The following PLAUR variants were observed in gnomAD, a reference collection of about 807,000 sequenced individuals.
PLAUR encodes the protein plasminogen activator, urokinase receptor, also known as urokinase plasminogen activator surface receptor.
PLAUR carries 22 observed loss-of-function variants against 33.4 expected under a neutral mutation model. The ratio of observed to expected loss-of-function variants is 0.66; its 90% CI spans 0.47 to 0.94. PLAUR has a LOEUF of 0.94. Among genes scored for constraint, PLAUR ranks in the 40% least tolerant of loss-of-function variants. PLAUR has a pLI of 0.00. For synonymous variants in PLAUR, 148 were observed against 167.3 expected (o/e 0.88, Z 0.89); for missense variants, 408 against 434.7 (o/e 0.94, Z 0.55).
rs529377475 is a variant in PLAUR, at chr19:43,659,915, G to C, written c.311-3275C>G. The stretch of plus-strand genomic sequence containing the variant: ...GACTCTTTTAAAAAATGGATTCCAG[G>C]TGCTAAAACATATCCTTTCTTCTGT... On this transcript the variant is annotated intron_variant, in intron 3 of 6. Coordinates refer to ENST00000340093, the MANE Select transcript of PLAUR (RefSeq NM_002659.4). Among the ~76,000 whole-genome samples, 4 of 152,226 alleles carry C rather than the reference G, an allele frequency of 2.6e-5. No individual in the cohort carries two copies. In the East Asian group the frequency reaches 5.8e-4, roughly 22 times the overall value.
At chr19:43,646,485 C>T, downstream of PLAUR, 1 of 718,236 alleles carries the variant, frequency 1.4e-6, no homozygotes, top group Non-Finnish European at 2.6e-6. Context: ...GGCTTCCTCA[C>T]AGCATGGTGG....
chr19:43,646,590 G>A (rs1445026089), downstream of PLAUR: 1 of 713,682 alleles, frequency 1.4e-6, no homozygotes, highest in African/African-American at 1.8e-5. Flanking sequence ...CTTAAAACTT[G>A]GTTCCAGAAC....
chr19:43,668,353 G>A lies in PLAUR; in HGVS notation c.56-662C>T, dbSNP rs1472911576. The A allele has an allele frequency of 4.1e-6, 4 of 969,764 alleles. No homozygotes were observed. The Admixed American group carries it at 2.5e-4, about 60-fold the overall frequency. 60.1% of individuals were successfully genotyped at this position (969,764 alleles called of 1,614,324 possible). ...TTGGCCCCGCTCCAGACTCATCGTC[G>A]AGGTTCTAGCCCCGCCCTTTAGCTC... On this transcript the variant is annotated intron_variant, in intron 1 of 6. Transcript: ENST00000340093.
chr19:43,658,909 T>C (rs2283628), intron 3 of PLAUR, among the ~76,000 whole-genome samples: 37,385 of 152,088 alleles, frequency 0.25, 5,248 homozygotes, highest in East Asian at 0.51. Context: ...TAGCTGTTCA[T>C]ACCTAGAACA....
At chr19:43,648,277 G>A (rs1198940696), downstream of PLAUR, among the ~76,000 whole-genome samples, 1 of 152,048 alleles carries the variant, frequency 6.6e-6, no homozygotes, top group African/African-American at 2.4e-5. Context: ...CCGGATTGAC[G>A]CCATTCTCCT....
At position 43,652,380 on chromosome 19, in the gene PLAUR, A is replaced by G; in HGVS notation, c.608-9T>C. ...ATTTTCAAGCTCCAGGACTTAGGAG[A>G]AGACCAGAGACACAGAGACCAAGAA... On this transcript the variant is annotated splice_polypyrimidine_tract_variant and intron_variant, in intron 5 of 6. Coordinates refer to ENST00000340093, the MANE Select transcript of PLAUR (RefSeq NM_002659.4). 1 of 1,613,358 alleles carries G rather than the reference A, an allele frequency of 6.2e-7. No homozygotes were observed. Among genetic ancestry groups the G allele is most frequent in the Non-Finnish European group, 8.5e-7 (1 of 1,179,472 alleles).
intron 3 of PLAUR, among the ~76,000 whole-genome samples, chr19:43,658,519 A>T (rs1974302803): frequency 6.6e-6 from 1 of 152,186 alleles, no homozygotes; most frequent in Non-Finnish European, 1.5e-5. Context: ...GGGATCAAAG[A>T]CTCACTTGAC....
rs150864294 is a variant in PLAUR at position 43,662,119 on chromosome 19, G to A, written c.310+3197C>T. 2.2e-4 allele frequency among the ~76,000 whole-genome samples: 34 copies of A among 152,108 alleles called. 1 individual carries two copies. The East Asian group carries it at 4.2e-3, about 19-fold the overall frequency. ...CCCTCTTCTCCACCTGGACAACCTCGCCCACCCCCAAGTTGGTTTCCCCTC... is the reference window on the plus strand; with the variant it reads ...CCCTCTTCTCCACCTGGACAACCTCACCCACCCCCAAGTTGGTTTCCCCTC... On this transcript the variant is annotated intron_variant, in intron 3 of 6. Transcript: ENST00000340093.
chr19:43,647,439 A>G (rs1289931738), downstream of PLAUR, among the ~76,000 whole-genome samples: 2 of 152,128 alleles, frequency 1.3e-5, no homozygotes, highest in African/African-American at 4.8e-5. Context: ...AATAGTTGCA[A>G]CCTTTGAAGT....
At chr19:43,658,579 C>A (rs1396473645) in intron 3 of PLAUR, among the ~76,000 whole-genome samples, 1 of 152,182 alleles carries the variant, frequency 6.6e-6, no homozygotes, top group East Asian at 1.9e-4. Context: ...TGTTGGCCAA[C>A]TGGATCCGTT....
At chr19:43,660,081 C>T (rs1966899929) in intron 3 of PLAUR, among the ~76,000 whole-genome samples, 1 of 151,940 alleles carries the variant, frequency 6.6e-6, no homozygotes, top group African/African-American at 2.4e-5. Flanking sequence ...CTTCAGGATA[C>T]CTTGTAAGGT....
rs1427268448 is a variant in PLAUR, at chr19:43,649,037, G to A, written c.861C>T (p.Cys287=). 10 of 1,614,112 alleles carry A rather than the reference G, an allele frequency of 6.2e-6. No individual in the cohort carries two copies. The highest frequency in any genetic ancestry group is 7.6e-6 in the Non-Finnish European group (9 of 1,180,052). The part of the protein sequence containing the change: ...AFSMNHIDVS[C]CTKSGCNHPD... ...GGTGGTTACAGCCACTTTTAGTACA[G>A]CAGGAGACATCAATGTGGTTCATGC... Residue 287 remains cysteine, a synonymous_variant, in exon 7 of 7, where the codon TGC becomes TGT. Transcript: ENST00000340093.
At chr19:43,669,840 A>T (rs2146303550) in intron 1 of PLAUR, among the ~76,000 whole-genome samples, 1 of 148,562 alleles carries the variant, frequency 6.7e-6, no homozygotes. Context: ...AAAAGCACTC[A>T]CTAAATTATG....
At chr19:43,663,599 T>C (rs1224624470) in intron 3 of PLAUR, among the ~76,000 whole-genome samples, 1 of 151,822 alleles carries the variant, frequency 6.6e-6, no homozygotes, top group Non-Finnish European at 1.5e-5. Context: ...TTGACCAACA[T>C]GGAGAAACCT....
intron 6 of PLAUR, among the ~76,000 whole-genome samples, chr19:43,651,591 C>A (rs1220775426): frequency 3.9e-5 from 6 of 152,066 alleles, no homozygotes; most frequent in Non-Finnish European, 1.5e-5. Context: ...CACGCCACCA[C>A]ACCCAGCTAA....
intron 3 of PLAUR, among the ~76,000 whole-genome samples, chr19:43,663,970 C>T (rs575266681): frequency 5.3e-5 from 8 of 152,114 alleles, no homozygotes; most frequent in African/African-American, 1.2e-4. Context: ...CCTTCATGTC[C>T]CTGTGACCCA....
rs1974026857 is a variant in PLAUR, at chr19:43,652,275, A to G, written c.704T>C (p.Ile235Thr). ...TTGATTCATGGGGCCTCGGCAGTCA[A>G]TGAGGAAAGTCTCTTCAGAGGAGCA... ...HGCSSEETFL[I>T]DCRGPMNQCL... The change falls in exon 6 of 7, where the codon ATT becomes ACT. Residue 235 changes from isoleucine (I) to threonine (T), a missense_variant. Coordinates refer to ENST00000340093, the MANE Select transcript of PLAUR (RefSeq NM_002659.4). The G allele has an allele frequency of 2.0e-5, 32 of 1,614,160 alleles. No homozygotes were observed. The East Asian group carries it at 6.9e-4, about 35-fold the overall frequency.
intron 1 of PLAUR, among the ~76,000 whole-genome samples, chr19:43,669,539 C>T (rs1035024423): frequency 2.0e-5 from 3 of 152,080 alleles, no homozygotes; most frequent in Non-Finnish European, 4.4e-5. Flanking sequence ...GGGCCGGGCG[C>T]GGTGGCTCAC....
chr19:43,651,136 T>C (rs1390676595), intron 6 of PLAUR, among the ~76,000 whole-genome samples: 1 of 152,078 alleles, frequency 6.6e-6, no homozygotes, highest in Non-Finnish European at 1.5e-5. Context: ...TGGAGTGCAA[T>C]GGCACAATCT....
Sources: gnomAD v4.1 joint callset for allele counts (sites outside exome capture counted in the v4.1 genomes callset) on GRCh38, gnomAD v4.1.1 for gene constraint, MANE v1.5 for transcripts, NCBI Gene and HGNC (gene_info 2026-07-23, HGNC 2026-07-21) for gene names.